ZNF16: variants seen among roughly 807,000 people sequenced by gnomAD.
ZNF16 encodes zinc finger protein KOX9.
Under a neutral mutation model 9.0 loss-of-function variants are expected in ZNF16, and 7 were observed. The ratio of observed to expected loss-of-function variants is 0.78; its 90% CI spans 0.44 to 1.47. ZNF16 has a LOEUF of 1.47. Ranked by LOEUF, ZNF16 falls within the 40% of genes most tolerant of loss-of-function variation. The probability of loss-of-function intolerance (pLI) is 0.01; values close to 1 mark genes in which losing one functional copy is unlikely to be tolerated. For synonymous variants in ZNF16, 312 were observed against 301.5 expected (o/e 1.03, Z -0.36); for missense variants, 830 against 854.2 (o/e 0.97, Z 0.35).
At chr8:144,934,058 G>GCCCT (rs1833620108) in intron 2 of ZNF16, among the ~76,000 whole-genome samples, 1 of 152,058 alleles carries the variant, frequency 6.6e-6, no homozygotes, top group African/African-American at 2.4e-5. Flanking sequence ...TCCCTGTCTG[G>GCCCT]GACTTCCAGA....
Position 144,932,256 on chromosome 8 carries a change from T to C in ZNF16, c.531A>G (p.Glu177=). The change falls in exon 3 of 3, where the codon GAA becomes GAG. Residue 177 remains glutamate (E), a synonymous_variant. Transcript: ENST00000394909. This position sits in a 1 kb window ranked among gnomAD's most constrained non-coding sequence, Gnocchi z 5.0. The part of the protein sequence containing the change: ...NLMACQEIPT[E]ERPHPYDMGG... ...CCATGTCATATGGATGTGGCCTCTCTTCTGTAGGGATTTCCTGACATGCCA... is the reference window on the plus strand; with the variant it reads ...CCATGTCATATGGATGTGGCCTCTCCTCTGTAGGGATTTCCTGACATGCCA... 2 of 1,614,184 alleles carry C rather than the reference T, an allele frequency of 1.2e-6. No homozygotes were observed. Among genetic ancestry groups the C allele is most frequent in the Non-Finnish European group, 1.7e-6 (2 of 1,180,032 alleles).
At chr8:144,949,993 T>C (rs1223448217) in intron 1 of ZNF16, among the ~76,000 whole-genome samples, 6 of 152,222 alleles carry the variant, frequency 3.9e-5, no homozygotes, top group Non-Finnish European at 8.8e-5. Flanking sequence ...TAAAACCCGA[T>C]TGTACATTTG....
At chr8:144,949,930 A>T (rs529610271) in intron 1 of ZNF16, among the ~76,000 whole-genome samples, 34 of 152,234 alleles carry the variant, frequency 2.2e-4, no homozygotes, top group African/African-American at 5.5e-4. Flanking sequence ...TGCAGTTGAG[A>T]TAGAGGAAGG....
At chr8:144,944,358 C>T (rs931490690) in intron 2 of ZNF16, 110 of 152,216 alleles carry the variant, frequency 7.2e-4, no homozygotes, top group African/African-American at 2.5e-3. Context: ...GCATGAGCCA[C>T]CGTGGTGCTG....
chr8:144,947,696 A>G (rs1396410026), intron 1 of ZNF16, among the ~76,000 whole-genome samples: 1 of 152,156 alleles, frequency 6.6e-6, no homozygotes, highest in Non-Finnish European at 1.5e-5. Context: ...TTGGCACCCC[A>G]GTGTGCACTT....
At chr8:144,948,470 G>A (rs1834015670) in intron 1 of ZNF16, 1 of 152,090 alleles carries the variant, frequency 6.6e-6, no homozygotes, top group Admixed American at 6.5e-5. Flanking sequence ...TTTCCTCGAG[G>A]GAAACCTCTC....
chr8:144,944,376 GGC>G (rs1833877640), intron 2 of ZNF16: 3 of 152,240 alleles, frequency 2.0e-5, no homozygotes, highest in African/African-American at 4.8e-5. Flanking sequence ...CTGGGTTACA[GGC>G]GTGAGCCACC....
intron 1 of ZNF16, among the ~76,000 whole-genome samples, chr8:144,949,639 G>A (rs1834044555): frequency 1.3e-5 from 2 of 152,168 alleles, no homozygotes; most frequent in Admixed American, 1.3e-4. Context: ...AAGGTTTAAG[G>A]GATCTAGGGC....
intron 2 of ZNF16, 71 bp downstream of exon 2, chr8:144,945,940 G>A: frequency 6.3e-7 from 1 of 1,581,332 alleles, no homozygotes; most frequent in African/African-American, 1.3e-5. Flanking sequence ...CCTCCTAGGG[G>A]TAAGCACAGG....
At chr8:144,942,087 C>T (rs1833814118) in intron 2 of ZNF16, among the ~76,000 whole-genome samples, 2 of 149,306 alleles carry the variant, frequency 1.3e-5, no homozygotes, top group African/African-American at 5.0e-5. Flanking sequence ...ACGCCATTCT[C>T]CTGCCTCAGC....
chr8:144,948,637 C>G (rs1834018364), intron 1 of ZNF16: 1 of 152,142 alleles, frequency 6.6e-6, no homozygotes, highest in South Asian at 2.1e-4. Context: ...AACATCCACA[C>G]AGTTTCCCTT....
At chr8:144,935,975 G>A (rs1392672821) in intron 2 of ZNF16, among the ~76,000 whole-genome samples, 4 of 152,150 alleles carry the variant, frequency 2.6e-5, no homozygotes. Context: ...AAAACGAACA[G>A]CGGCATTTAG....
At chr8:144,944,508 C>T (rs1460602334) in intron 2 of ZNF16, 1 of 152,324 alleles carries the variant, frequency 6.6e-6, no homozygotes, top group Admixed American at 6.5e-5. Context: ...AGCCACCATG[C>T]CCAGCCTAGT....
intron 2 of ZNF16, among the ~76,000 whole-genome samples, chr8:144,939,595 CAAAAAAAAAAA>C (rs58274217): frequency 3.5e-5 from 2 of 57,414 alleles, no homozygotes; most frequent in Non-Finnish European, 7.0e-5. Context: ...GACTCCGTCT[CAAAAAAAAAAA>C]AAAAAAAAAA....
At chr8:144,943,740 G>C (rs768631557) in intron 2 of ZNF16, among the ~76,000 whole-genome samples, 3 of 152,012 alleles carry the variant, frequency 2.0e-5, no homozygotes, top group Admixed American at 1.3e-4. Flanking sequence ...AGATTCTCTC[G>C]ATCTCCTGAC....
chr8:144,942,004 G>A (rs1422313068), intron 2 of ZNF16, among the ~76,000 whole-genome samples: 1 of 133,416 alleles, frequency 7.5e-6, no homozygotes. Context: ...TTGAGAGGGA[G>A]TCTCGCTCTG....
At position 144,933,877 on chromosome 8, in the gene ZNF16, C is replaced by T. The variant is rs1833615075; in HGVS notation, c.197-1287G>A. Among the ~76,000 whole-genome samples, 1 of 152,184 alleles carries T rather than the reference C, an allele frequency of 6.6e-6. No individual in the cohort carries two copies. The highest frequency in any genetic ancestry group is 2.1e-4 in the South Asian group (1 of 4,824). ...CCAGCACCCCACCTACTTTCCTTGC[C>T]CCCACCCTGGCTGTCACCCACAGCC... On this transcript the variant is annotated intron_variant, in intron 2 of 2. Transcript: ENST00000394909. This position sits in a 1 kb window ranked among gnomAD's most constrained non-coding sequence, Gnocchi z 5.6.
chr8:144,945,081 G>T (rs754228861), intron 2 of ZNF16: 1 of 151,060 alleles, frequency 6.6e-6, no homozygotes, highest in Non-Finnish European at 1.5e-5. Flanking sequence ...CCAGTCCTGC[G>T]CATGCATGTG....
intron 1 of ZNF16, chr8:144,948,554 A>G (rs1207992296): frequency 2.0e-5 from 3 of 152,186 alleles, no homozygotes; most frequent in Non-Finnish European, 4.4e-5. Flanking sequence ...TTAAATTCTC[A>G]TTGTTTCTGA....
Sources: gnomAD v4.1 joint callset for allele counts (sites outside exome capture counted in the v4.1 genomes callset) on GRCh38, gnomAD v4.1.1 for gene constraint, Gnocchi (gnomAD v3.1) non-coding constraint, MANE v1.5 for transcripts, NCBI Gene and HGNC (gene_info 2026-07-23, HGNC 2026-07-21) for gene names.